Variants in NKAIN2 observed in about 807,000 individuals in gnomAD.
The protein encoded by NKAIN2 is sodium/potassium-transporting ATPase subunit beta-1-interacting protein 2.
A neutral mutation model predicts 32.6 loss-of-function variants in NKAIN2; 14 were observed. The ratio of observed to expected loss-of-function variants is 0.43; its 90% CI spans 0.28 to 0.67. The LOEUF (loss-of-function observed/expected upper bound fraction) is 0.67. Ranked by LOEUF, NKAIN2 falls within the 30% of genes least tolerant of loss-of-function variation. NKAIN2 has a pLI of 0.17. For missense variants in NKAIN2, 198 were observed against 258.3 expected (o/e 0.77, Z 1.60); for synonymous variants, 80 against 87.2 (o/e 0.92, Z 0.46).
At chr6:124,212,195 CTT>C (rs1791216067) in intron 1 of NKAIN2, among the ~76,000 whole-genome samples, 1 of 151,916 alleles carries the variant, frequency 6.6e-6, no homozygotes, top group Admixed American at 6.6e-5. Flanking sequence ...ATTCTAATCA[CTT>C]TGTCATTATT....
At chr6:124,670,789 C>A (rs1773063344) in intron 4 of NKAIN2, among the ~76,000 whole-genome samples, 1 of 151,950 alleles carries the variant, frequency 6.6e-6, no homozygotes, top group Non-Finnish European at 1.5e-5. Context: ...CTTTGTTTCA[C>A]TGACACCCAG....
At chr6:124,407,414 C>T (rs1773914327) in intron 3 of NKAIN2, among the ~76,000 whole-genome samples, 2 of 148,960 alleles carry the variant, frequency 1.3e-5, no homozygotes. Flanking sequence ...TCTCATTGTT[C>T]AATTCCCACC....
intron 3 of NKAIN2, among the ~76,000 whole-genome samples, chr6:124,525,625 A>C (rs1027866981): frequency 6.6e-6 from 1 of 152,196 alleles, no homozygotes; most frequent in Non-Finnish European, 1.5e-5. Context: ...CTGTCATAAT[A>C]ATGTATAAAT....
At chr6:123,846,038 C>A (rs555598962) in intron 1 of NKAIN2, among the ~76,000 whole-genome samples, 2 of 152,240 alleles carry the variant, frequency 1.3e-5, no homozygotes, top group Non-Finnish European at 2.9e-5. Context: ...AATTTTATAA[C>A]TATGCTTTTG....
intron 1 of NKAIN2, among the ~76,000 whole-genome samples, chr6:124,105,100 GC>G (rs1191310270): frequency 6.6e-6 from 1 of 152,216 alleles, no homozygotes; most frequent in Non-Finnish European, 1.5e-5. Context: ...GTCATAGTCA[GC>G]AGGATGATAT....
chr6:124,273,739 A>G (rs552067205), intron 1 of NKAIN2, among the ~76,000 whole-genome samples: 1 of 152,164 alleles, frequency 6.6e-6, no homozygotes, highest in Non-Finnish European at 1.5e-5. Context: ...TCTTCCAAAC[A>G]TTAGGTATTT....
chr6:124,633,789 G>A (rs956923494), intron 3 of NKAIN2, among the ~76,000 whole-genome samples: 5 of 152,110 alleles, frequency 3.3e-5, no homozygotes, highest in Non-Finnish European at 4.4e-5. Context: ...CCTAGAGCCC[G>A]AGGACCAGTC....
At chr6:124,761,991 T>C (rs1255502422) in intron 4 of NKAIN2, among the ~76,000 whole-genome samples, 1 of 152,178 alleles carries the variant, frequency 6.6e-6, no homozygotes, top group Non-Finnish European at 1.5e-5. Flanking sequence ...CACTCCCTGG[T>C]TCTCTCACAC....
chr6:124,113,751 G>T (rs1785490117), intron 1 of NKAIN2, among the ~76,000 whole-genome samples: 1 of 152,174 alleles, frequency 6.6e-6, no homozygotes, highest in African/African-American at 2.4e-5. Context: ...TGAGACAAGG[G>T]TGTCTGGTGA....
chr6:123,941,040 T>C (rs964815894), intron 1 of NKAIN2, among the ~76,000 whole-genome samples: 13 of 151,966 alleles, frequency 8.6e-5, no homozygotes, highest in African/African-American at 2.9e-4. Context: ...AAATTTTTAT[T>C]TTATTTTTTA....
chr6:124,419,040 A>T (rs540085808), intron 3 of NKAIN2, among the ~76,000 whole-genome samples: 3 of 152,096 alleles, frequency 2.0e-5, no homozygotes, highest in African/African-American at 7.2e-5. Context: ...CCATTCTGTG[A>T]TTTGCATTTA....
At chr6:124,769,674 C>T (rs1778665327) in intron 4 of NKAIN2, among the ~76,000 whole-genome samples, 1 of 152,106 alleles carries the variant, frequency 6.6e-6, no homozygotes, top group Non-Finnish European at 1.5e-5. Flanking sequence ...ACTTATTGTT[C>T]TAGTAGAGGC....
At chr6:124,789,166 G>C (rs138215940) in intron 4 of NKAIN2, among the ~76,000 whole-genome samples, 98 of 152,124 alleles carry the variant, frequency 6.4e-4, no homozygotes, top group African/African-American at 2.3e-3. Context: ...CAAGACTCTA[G>C]TGACACTTTA....
At chr6:124,353,968 G>A (rs1216975876) in intron 2 of NKAIN2, among the ~76,000 whole-genome samples, 2 of 152,120 alleles carry the variant, frequency 1.3e-5, no homozygotes, top group Admixed American at 6.5e-5. Context: ...GGAGCCATTG[G>A]CATTTGTTTA....
intron 1 of NKAIN2, among the ~76,000 whole-genome samples, chr6:124,146,505 G>A (rs1451600616): frequency 1.3e-5 from 2 of 152,240 alleles, no homozygotes; most frequent in East Asian, 3.9e-4. Flanking sequence ...GTGCCTACCA[G>A]AAGACACAGC....
At chr6:124,013,455 T>C (rs1780427857) in intron 1 of NKAIN2, among the ~76,000 whole-genome samples, 1 of 152,228 alleles carries the variant, frequency 6.6e-6, no homozygotes, top group Non-Finnish European at 1.5e-5. Context: ...AGGCATGTCA[T>C]TTCTCAAATC....
intron 3 of NKAIN2, among the ~76,000 whole-genome samples, chr6:124,420,780 G>A (rs866258399): frequency 3.3e-5 from 5 of 151,926 alleles, no homozygotes; most frequent in African/African-American, 1.2e-4. Context: ...ATTTTATATT[G>A]TTTATTCTGC....
chr6:124,727,318 T>A (rs1583737950), intron 4 of NKAIN2, among the ~76,000 whole-genome samples: 1 of 152,004 alleles, frequency 6.6e-6, no homozygotes, highest in African/African-American at 2.4e-5. Flanking sequence ...AAAGGTCGGG[T>A]TACCCTCAAA....
chr6:124,658,265 C>T lies in NKAIN2; in HGVS notation c.353C>T (p.Thr118Met), dbSNP rs748832499. 7 of 1,613,950 alleles carry T rather than the reference C, an allele frequency of 4.3e-6. No individual in the cohort carries two copies. The highest frequency in any genetic ancestry group is 3.3e-5 in the South Asian group (3 of 91,072). Residue 118 changes from threonine (T) to methionine (M), a missense_variant, in exon 4 of 7, where the codon ACG (threonine) becomes ATG (methionine). Coordinates refer to ENST00000368417, the MANE Select transcript of NKAIN2 (RefSeq NM_001040214.3). ...WMENGPGCTV[T>M]SVTPAPDWAP... ...GAGAATGGACCAGGATGTACGGTGA[C>T]GTCAGTGACACCTGCCCCAGACTGG...
Sources: allele counts gnomAD v4.1 joint callset (sites outside exome capture counted in the v4.1 genomes callset), GRCh38; gene constraint gnomAD v4.1.1; transcripts MANE v1.5; gene names NCBI Gene and HGNC (gene_info 2026-07-23, HGNC 2026-07-21).